Variants in NAA35 observed in about 807,000 individuals in gnomAD.
NAA35 encodes N-alpha-acetyltransferase 35, NatC auxiliary subunit, also known as MAK10 homolog, amino-acid N-acetyltransferase subunit.
NAA35 carries 18 observed loss-of-function variants against 101.7 expected under a neutral mutation model. The ratio of observed to expected loss-of-function variants is 0.18; its 90% CI spans 0.12 to 0.26. The LOEUF (loss-of-function observed/expected upper bound fraction) is 0.26. Ranked by LOEUF, NAA35 falls within the 10% of genes least tolerant of loss-of-function variation. NAA35 has a pLI of 1.00. For missense variants in NAA35, 601 were observed against 886.8 expected (o/e 0.68, Z 4.09); for synonymous variants, 267 against 273.1 (o/e 0.98, Z 0.22).
intron 17 of NAA35, 41 bp downstream of exon 17, chr9:86,013,938 T>C: frequency 2.1e-6 from 3 of 1,430,746 alleles, no homozygotes; most frequent in Non-Finnish European, 2.9e-6. Context: ...GTGGGTGCAA[T>C]GGATAAGATC....
chr9:86,022,587 GATT>G lies in NAA35; in HGVS notation c.*630_*632del, dbSNP rs1006525322. ...AAAAATCCTTTTAGCACTTTTAAAA[GATT>G]ATACATTGTTTGCTGGTGACATGCA... On this transcript the variant is annotated 3_prime_UTR_variant, in exon 23 of 23. Coordinates refer to ENST00000361671, the MANE Select transcript of NAA35 (RefSeq NM_024635.4). 1.2e-4 allele frequency among the ~76,000 whole-genome samples: 18 copies of G among 152,270 alleles called. No homozygotes were observed. Among genetic ancestry groups the G allele is most frequent in the Admixed American group, 3.3e-4 (5 of 15,308 alleles).
At position 86,013,872 on chromosome 9, in the gene NAA35, A is replaced by T. The variant is rs1304380499; in HGVS notation, c.1543A>T (p.Met515Leu). The T allele has an allele frequency of 2.7e-5, 44 of 1,613,546 alleles. No individual in the cohort carries two copies. Among genetic ancestry groups the T allele is most frequent in the Non-Finnish European group, 3.6e-5 (43 of 1,179,536 alleles). ...LSGFELELYS[M>L]HEYYYIYWYL... Reference sequence around the variant, plus strand: ...TGGCTTTGAATTGGAACTCTACAGTATGCACGAGTACTATTACATATATTG... The same window carrying T: ...TGGCTTTGAATTGGAACTCTACAGTTTGCACGAGTACTATTACATATATTG... Residue 515 changes from methionine to leucine, a missense_variant, in exon 17 of 23, where the codon ATG becomes TTG. By Grantham distance (15) the Met-to-Leu change is conservative. This residue lies in a region of NAA35 where 99 missense variants were observed against 206.7 expected (regional missense o/e 0.48). Transcript: ENST00000361671.
chr9:86,018,446 TAG>T (rs1460988768), intron 20 of NAA35, 51 bp downstream of exon 20: 14 of 1,563,472 alleles, frequency 9.0e-6, no homozygotes, highest in Non-Finnish European at 1.2e-5. Context: ...TAGACCTTCT[TAG>T]AGAGATGCTG....
chr9:85,941,237 C>G lies in NAA35; in HGVS notation c.-42C>G. ...GGCGTCGTTATTTCCGTGGTCCGGA[C>G]AGTGCGTGGCGGCGCGGGTGACCAC... On this transcript the variant is annotated 5_prime_UTR_variant, in exon 1 of 23. Coordinates refer to ENST00000361671, the MANE Select transcript of NAA35 (RefSeq NM_024635.4). 1.0e-6 allele frequency: 1 copy of G among 986,126 alleles called. No homozygotes were observed. Among genetic ancestry groups the G allele is most frequent in the Non-Finnish European group, 1.2e-6 (1 of 830,406 alleles). The allele number at this position is 986,126 out of a possible 1,614,324, so 61.1% of individuals were successfully genotyped here. A position where few individuals can be genotyped will look rare whatever the true frequency, so the allele number is the denominator to read the frequency against.
intron 2 of NAA35, among the ~76,000 whole-genome samples, chr9:85,954,612 T>A (rs991273255): frequency 6.6e-6 from 1 of 152,166 alleles, no homozygotes; most frequent in Non-Finnish European, 1.5e-5. Flanking sequence ...ATTCTTAGAT[T>A]GAAGAAAATT....
At chr9:86,018,524 A>G (rs1587672460) in intron 20 of NAA35, 129 bp downstream of exon 20, 1 of 1,331,532 alleles carries the variant, frequency 7.5e-7, no homozygotes, top group Non-Finnish European at 1.0e-6. Flanking sequence ...GAGGTAGCAT[A>G]TGAGGGTTGA....
rs1003292814 is a variant in NAA35 at position 86,020,596 on chromosome 9, C to T, written c.2038-293C>T. The stretch of plus-strand genomic sequence containing the variant: ...CAGTGGCTCACGCCTATAATCTCAA[C>T]ACTTTGGGAGGCCAGGGTGGGAGGT... On this transcript the variant is annotated intron_variant, in intron 21 of 22. Coordinates refer to ENST00000361671, the MANE Select transcript of NAA35 (RefSeq NM_024635.4). Among the ~76,000 whole-genome samples, 194 of 152,264 alleles carry T rather than the reference C, an allele frequency of 1.3e-3. 1 individual carries two copies. Among genetic ancestry groups the T allele is most frequent in the African/African-American group, 4.5e-3 (187 of 41,544 alleles).
In NAA35 at chr9:85,977,348, T is replaced by G. The variant is rs1235191562; in HGVS notation, c.679-15T>G. 1 of 1,595,148 alleles carries G rather than the reference T, an allele frequency of 6.3e-7. No individual in the cohort carries two copies. Among genetic ancestry groups the G allele is most frequent in the Admixed American group, 1.7e-5 (1 of 59,860 alleles). On this transcript the variant is annotated splice_polypyrimidine_tract_variant and intron_variant, in intron 9 of 22. Coordinates refer to ENST00000361671, the MANE Select transcript of NAA35 (RefSeq NM_024635.4). Reference sequence around the variant, plus strand: ...TTTGCATCTTTTAACTTTTAGTCCTTTCTTGTTTTTTTAGCACCAACAATG... The same window carrying G: ...TTTGCATCTTTTAACTTTTAGTCCTGTCTTGTTTTTTTAGCACCAACAATG...
intron 6 of NAA35, among the ~76,000 whole-genome samples, 166 bp downstream of exon 6, chr9:85,962,346 C>T (rs747488411): frequency 2.6e-5 from 4 of 151,780 alleles, no homozygotes; most frequent in Non-Finnish European, 5.9e-5. Context: ...CACAAAATAG[C>T]CAGGTGTGGT....
At chr9:86,021,367 G>A (rs1172089228) in intron 22 of NAA35, among the ~76,000 whole-genome samples, 1 of 152,190 alleles carries the variant, frequency 6.6e-6, no homozygotes, top group Non-Finnish European at 1.5e-5. Flanking sequence ...GCTTTTCTTG[G>A]TAATGTTATA....
chr9:85,995,593 A>G (rs962856955), intron 11 of NAA35, among the ~76,000 whole-genome samples: 3 of 152,106 alleles, frequency 2.0e-5, no homozygotes, highest in Admixed American at 6.6e-5. Flanking sequence ...CTTAATAACA[A>G]CAGCTATTCA....
In NAA35 at chr9:86,005,356, A is replaced by G. The variant is rs184569015; in HGVS notation, c.1116+1712A>G. Among the ~76,000 whole-genome samples, 513 of 152,354 alleles carry G rather than the reference A, an allele frequency of 3.4e-3. 2 individuals carry two copies. The highest frequency in any genetic ancestry group is 6.1e-3 in the Non-Finnish European group (412 of 68,026). On this transcript the variant is annotated intron_variant, in intron 13 of 22. Coordinates refer to ENST00000361671, the MANE Select transcript of NAA35 (RefSeq NM_024635.4). ...GCTTCCTAAACCTGATAAAGGACAT[A>G]TACAAAAATACCTTACAGCTAACAT...
chr9:86,018,901 T>C (rs1832376307), intron 21 of NAA35, 80 bp downstream of exon 21: 17 of 1,539,094 alleles, frequency 1.1e-5, no homozygotes, highest in Non-Finnish European at 1.1e-5. Flanking sequence ...AAGTTAATTA[T>C]GAAAGTGAAC....
At chr9:86,021,767 C>T (rs1445741376) in intron 22 of NAA35, 134 bp from the exon 23 acceptor site, 4 of 695,292 alleles carry the variant, frequency 5.8e-6, no homozygotes, top group African/African-American at 1.9e-5. Context: ...TGTCATTAAC[C>T]TAGTTTTTAA....
Position 85,962,060 on chromosome 9 carries a change from C to T in NAA35, c.396C>T (p.Cys132=), listed in dbSNP as rs1266776300. ...GHSLAQTVFT[C]LYIHNPDFIE... ...CACTGGCACAGACAGTATTTACGTG[C>T]CTTTACATTCATAATCCAGACTTTA... The change falls in exon 6 of 23, where the codon TGC becomes TGT. Residue 132 remains cysteine, a synonymous_variant. Transcript: ENST00000361671. The T allele has an allele frequency of 6.2e-7, 1 of 1,613,574 alleles. No individual in the cohort carries two copies. The highest frequency in any genetic ancestry group is 8.5e-7 in the Non-Finnish European group (1 of 1,179,870).
At chr9:85,941,505 C>T in intron 1 of NAA35, 11 of 985,564 alleles carry the variant, frequency 1.1e-5, no homozygotes, top group Middle Eastern at 5.2e-4. Flanking sequence ...GCCCGCCCTC[C>T]CGCGCGGCGA....
At chr9:85,968,126 A>G (rs1222141029) in intron 6 of NAA35, among the ~76,000 whole-genome samples, 1 of 152,026 alleles carries the variant, frequency 6.6e-6, no homozygotes, top group Non-Finnish European at 1.5e-5. Flanking sequence ...TTTCTGCTTT[A>G]GTTCGTCAAC....
In NAA35 at chr9:86,007,899, C is replaced by A. The variant is rs137988472; in HGVS notation, c.1223+435C>A. On this transcript the variant is annotated intron_variant, in intron 14 of 22. Transcript: ENST00000361671. ...TTGTTAAAAAAAAAGATACACCTAACAGTGTATCTTTTTCCACTGAAAGAT... is the reference window on the plus strand; with the variant it reads ...TTGTTAAAAAAAAAGATACACCTAAAAGTGTATCTTTTTCCACTGAAAGAT... Among the ~76,000 whole-genome samples the A allele has an allele frequency of 3.5e-3, 532 of 152,242 alleles. 3 individuals carry two copies. The highest frequency in any genetic ancestry group is 0.011 in the African/African-American group (463 of 41,548).
intron 1 of NAA35, 116 bp downstream of exon 1, chr9:85,941,389 C>T (rs1377899618): frequency 1.0e-6 from 1 of 985,360 alleles, no homozygotes; most frequent in Non-Finnish European, 1.2e-6. Flanking sequence ...GGCCCCGGCC[C>T]TCCCGCTGCG....
Sources: gnomAD v4.1 joint callset for allele counts (sites outside exome capture counted in the v4.1 genomes callset) on GRCh38, gnomAD v4.1.1 for gene constraint, gnomAD v4.1.1 regional missense constraint, MANE v1.5 for transcripts, NCBI Gene and HGNC (gene_info 2026-07-23, HGNC 2026-07-21) for gene names.